PAPPA2: variants seen among roughly 807,000 people sequenced by gnomAD.
PAPPA2 encodes pappalysin-2.
A neutral mutation model predicts 176.4 loss-of-function variants in PAPPA2; 86 were observed. The observed-to-expected ratio is 0.49, with a 90% CI of 0.41 to 0.58. PAPPA2 has a LOEUF of 0.58. Ranked by LOEUF, PAPPA2 falls within the 20% of genes least tolerant of loss-of-function variation. The pLI is 0.00. For synonymous variants in PAPPA2, 809 were observed against 852.2 expected, an observed-to-expected ratio of 0.95 and a Z score of 0.88; for missense variants, 2,073 against 2,256.9, an observed-to-expected ratio of 0.92 and a Z score of 1.65.
intron 18 of PAPPA2, among the ~76,000 whole-genome samples, chr1:176,791,064 G>A (rs1665152928): frequency 6.6e-6 from 1 of 151,776 alleles, no homozygotes; most frequent in Non-Finnish European, 1.5e-5. Context: ...TATGAGCTTC[G>A]GTTGATAGCT....
chr1:176,764,597 T>C (rs887132441), intron 14 of PAPPA2, among the ~76,000 whole-genome samples: 4 of 135,122 alleles, frequency 3.0e-5, no homozygotes, highest in Non-Finnish European at 4.7e-5. Context: ...CAGTGTATTC[T>C]TTTTTTTTTT....
At chr1:176,621,535 ACAC>A (rs2102692090) in intron 3 of PAPPA2, among the ~76,000 whole-genome samples, 1 of 152,340 alleles carries the variant, frequency 6.6e-6, no homozygotes, top group Admixed American at 6.5e-5. Context: ...GTAATTTAGC[ACAC>A]CAGGCCTTAT....
At chr1:176,822,871 T>C (rs1666718257) in intron 21 of PAPPA2, among the ~76,000 whole-genome samples, 1 of 152,198 alleles carries the variant, frequency 6.6e-6, no homozygotes, top group South Asian at 2.1e-4. Flanking sequence ...TCCCGGTCAA[T>C]TCTACTGGCA....
At position 176,699,202 on chromosome 1, in the gene PAPPA2, G is replaced by A; in HGVS notation, c.2849G>A (p.Gly950Asp). 1.2e-6 allele frequency: 2 copies of A among 1,614,118 alleles called. No homozygotes were observed. Among genetic ancestry groups the A allele is most frequent in the Non-Finnish European group, 1.7e-6 (2 of 1,180,000 alleles). Residue 950 changes from glycine (G) to aspartate (D), a missense_variant, in exon 8 of 23, where the codon GGC becomes GAC. Gly to Asp is a moderately conservative substitution (Grantham distance 94, BLOSUM62 -1). Coordinates refer to ENST00000367662, the MANE Select transcript of PAPPA2 (RefSeq NM_020318.3). Reference protein sequence around the residue: ...MNMTVPCPTEGCSLELLFQHP... With the variant: ...MNMTVPCPTEDCSLELLFQHP... ...ATGACGGTCCCCTGCCCCACAGAAGGCTGTAGCTTGGAGCTGCTCTTCCAA... is the reference window on the plus strand; with the variant it reads ...ATGACGGTCCCCTGCCCCACAGAAGACTGTAGCTTGGAGCTGCTCTTCCAA...
At chr1:176,627,216 T>C (rs575827392) in intron 3 of PAPPA2, among the ~76,000 whole-genome samples, 39 of 152,328 alleles carry the variant, frequency 2.6e-4, no homozygotes, top group African/African-American at 8.7e-4. Context: ...TTGATAACAT[T>C]CATATGTGTC....
intron 12 of PAPPA2, among the ~76,000 whole-genome samples, chr1:176,715,494 C>T (rs1463041416): frequency 6.6e-6 from 1 of 152,144 alleles, no homozygotes; most frequent in Non-Finnish European, 1.5e-5. Flanking sequence ...GGCCTCTGTG[C>T]CCCAACTGGG....
chr1:176,471,597 T>TC (rs1433596011), intron 1 of PAPPA2, among the ~76,000 whole-genome samples: 3 of 152,256 alleles, frequency 2.0e-5, no homozygotes, highest in South Asian at 4.1e-4. Context: ...AATTTCTGCC[T>TC]CCCTCCCCAT....
intron 12 of PAPPA2, among the ~76,000 whole-genome samples, chr1:176,716,142 T>G (rs1661357222): frequency 6.6e-6 from 1 of 151,838 alleles, no homozygotes; most frequent in African/African-American, 2.4e-5. Context: ...TCTTACCTGG[T>G]TCTTACCTCT....
chr1:176,580,517 T>C (rs1164236111), intron 2 of PAPPA2, among the ~76,000 whole-genome samples: 3 of 152,256 alleles, frequency 2.0e-5, no homozygotes, highest in Admixed American at 2.0e-4. Context: ...GATTGCTGAA[T>C]TATAGGATAG....
At chr1:176,548,571 C>T (rs1209176426) in intron 1 of PAPPA2, among the ~76,000 whole-genome samples, 3 of 151,220 alleles carry the variant, frequency 2.0e-5, no homozygotes, top group African/African-American at 7.3e-5. Flanking sequence ...GTATTTACAC[C>T]CTTCATGAAA....
chr1:176,772,727 G>A (rs1310551573), intron 17 of PAPPA2, among the ~76,000 whole-genome samples: 2 of 152,196 alleles, frequency 1.3e-5, no homozygotes, highest in Non-Finnish European at 2.9e-5. Flanking sequence ...GAGCACATTT[G>A]CATGTGATTT....
chr1:176,704,979 A>T (rs969881964), intron 9 of PAPPA2, among the ~76,000 whole-genome samples: 3 of 152,246 alleles, frequency 2.0e-5, no homozygotes, highest in Admixed American at 1.3e-4. Flanking sequence ...CGCATGGCAC[A>T]AGATGATACA....
chr1:176,832,984 G>A (rs1405656958), intron 21 of PAPPA2, among the ~76,000 whole-genome samples: 2 of 152,240 alleles, frequency 1.3e-5, no homozygotes, highest in Admixed American at 6.5e-5. Context: ...TACACAGGCC[G>A]TGGTTTGAGG....
chr1:176,704,619 TA>T (rs1301436490), intron 9 of PAPPA2, among the ~76,000 whole-genome samples: 2 of 152,194 alleles, frequency 1.3e-5, no homozygotes, highest in Non-Finnish European at 2.9e-5. Flanking sequence ...ATATTTAGTT[TA>T]AAAACCAAAA....
chr1:176,515,406 ATGATCTCATCCAGGAGGATTG>A (rs1648852422), intron 1 of PAPPA2, among the ~76,000 whole-genome samples: 1 of 152,162 alleles, frequency 6.6e-6, no homozygotes, highest in Non-Finnish European at 1.5e-5. Flanking sequence ...CAGTCCCCAT[ATGATCTCATCCAGGAGGATTG>A]TGATCACCCA....
intron 21 of PAPPA2, among the ~76,000 whole-genome samples, chr1:176,803,018 G>T (rs1665748601): frequency 6.6e-6 from 1 of 152,154 alleles, no homozygotes; most frequent in African/African-American, 2.4e-5. Flanking sequence ...ATCCAAAATT[G>T]TTGGTACGTT....
chr1:176,601,763 A>G (rs1654335948), intron 3 of PAPPA2, among the ~76,000 whole-genome samples: 1 of 152,148 alleles, frequency 6.6e-6, no homozygotes, highest in South Asian at 2.1e-4. Context: ...GCCCAAAGGA[A>G]TTTCTGTACC....
At chr1:176,834,123 T>C (rs1270534397) in intron 21 of PAPPA2, among the ~76,000 whole-genome samples, 1 of 152,236 alleles carries the variant, frequency 6.6e-6, no homozygotes, top group Non-Finnish European at 1.5e-5. Context: ...CATCAGTCAC[T>C]AAACTAGTAG....
At chr1:176,644,326 GA>G (rs571719863) in intron 3 of PAPPA2, among the ~76,000 whole-genome samples, 161 of 151,860 alleles carry the variant, frequency 1.1e-3, no homozygotes, top group African/African-American at 3.6e-3. Flanking sequence ...AGCTTTGGTG[GA>G]TTTAGTTCTT....
Sources: gnomAD v4.1 joint callset for allele counts (sites outside exome capture counted in the v4.1 genomes callset) on GRCh38, gnomAD v4.1.1 for gene constraint, MANE v1.5 for transcripts, NCBI Gene and HGNC (gene_info 2026-07-23, HGNC 2026-07-21) for gene names.